Variants in TNFRSF11B observed in about 807,000 individuals in gnomAD.
TNFRSF11B encodes the protein TNF receptor superfamily member 11b.
A neutral mutation model predicts 43.4 loss-of-function variants in TNFRSF11B; 16 were observed. That is an observed-to-expected ratio of 0.37 (90% CI 0.25 to 0.56). The LOEUF is 0.56. Ranked by LOEUF, TNFRSF11B falls within the 20% of genes least tolerant of loss-of-function variation. The probability of loss-of-function intolerance (pLI) is 0.80; values close to 1 mark genes in which losing one functional copy is unlikely to be tolerated. For missense variants in TNFRSF11B, 444 were observed against 490.1 expected, an observed-to-expected ratio of 0.91 and a Z score of 0.89; for synonymous variants, 185 against 181.8, an observed-to-expected ratio of 1.02 and a Z score of -0.14.
In TNFRSF11B at chr8:118,926,602, C is replaced by T. The variant is rs767035135; in HGVS notation, c.709G>A (p.Val237Ile). The change falls in exon 4 of 5, where the codon GTA becomes ATA. Residue 237 changes from valine (V) to isoleucine (I), a missense_variant. Coordinates refer to ENST00000297350, the MANE Select transcript of TNFRSF11B (RefSeq NM_002546.4). ...LPGTKVNAES[V>I]ERIKRQHSSQ... ...CTGTGTTGCCGTTTTATCCTCTCTA[C>T]ACTCTCTGCGTTTACTTTGGTGCCA... is the stretch of plus-strand genomic sequence containing the variant. The T allele has an allele frequency of 1.9e-5, 30 of 1,614,034 alleles. No individual in the cohort carries two copies. The highest frequency in any genetic ancestry group is 1.0e-4 in the Admixed American group (6 of 60,006).
At chr8:118,924,893 G>T in intron 4 of TNFRSF11B, 131 bp from the exon 5 acceptor site, 1 of 1,151,288 alleles carries the variant, frequency 8.7e-7, no homozygotes, top group Non-Finnish European at 1.3e-6. Flanking sequence ...CTTTTCTTTT[G>T]AGAGGGAGTT....
chr8:118,940,765 A>G (rs1176765198), intron 1 of TNFRSF11B, among the ~76,000 whole-genome samples: 1 of 152,280 alleles, frequency 6.6e-6, no homozygotes. Context: ...CCAGAAAAAA[A>G]GCACCTTGGA....
chr8:118,942,950 C>T (rs141756704), intron 1 of TNFRSF11B, among the ~76,000 whole-genome samples: 9 of 152,152 alleles, frequency 5.9e-5, no homozygotes, highest in South Asian at 2.1e-4. Context: ...TTTGACCATC[C>T]GTCTGTCCAC....
At chr8:118,949,533 C>T (rs989680169) in intron 1 of TNFRSF11B, among the ~76,000 whole-genome samples, 2 of 152,140 alleles carry the variant, frequency 1.3e-5, no homozygotes, top group Non-Finnish European at 2.9e-5. Flanking sequence ...AGTAACTTGG[C>T]CACAGTCATT....
At chr8:118,944,212 CAT>C (rs1337669438) in intron 1 of TNFRSF11B, among the ~76,000 whole-genome samples, 3 of 152,128 alleles carry the variant, frequency 2.0e-5, no homozygotes, top group Admixed American at 6.6e-5. Context: ...ATTTCTCAGA[CAT>C]AGTCAAGTCC....
intron 1 of TNFRSF11B, among the ~76,000 whole-genome samples, chr8:118,941,330 A>G (rs1161333936): frequency 1.3e-5 from 2 of 152,184 alleles, no homozygotes; most frequent in African/African-American, 4.8e-5. Context: ...GCCTAGGATT[A>G]TGTCTCTAGG....
rs540623249 is a variant in TNFRSF11B, at chr8:118,930,782, C to T, written c.401-1853G>A. ...TTCTCCTGCATCCTAATGAGAAGTT[C>T]ATATGTGTCAGATATTTCTTTTAGG... On this transcript the variant is annotated intron_variant, in intron 2 of 4. Coordinates refer to ENST00000297350, the MANE Select transcript of TNFRSF11B (RefSeq NM_002546.4). 3 of 447,246 alleles carry T rather than the reference C, an allele frequency of 6.7e-6. No homozygotes were observed. The East Asian group carries it at 2.1e-4, about 31-fold the overall frequency. The allele number at this position is 447,246 out of a possible 1,614,324, so 27.7% of individuals were successfully genotyped here. A position where few individuals can be genotyped will look rare whatever the true frequency, so the allele number is the denominator to read the frequency against.
At chr8:118,943,240 T>C (rs1346106070) in intron 1 of TNFRSF11B, among the ~76,000 whole-genome samples, 2 of 152,124 alleles carry the variant, frequency 1.3e-5, no homozygotes, top group Admixed American at 6.6e-5. Context: ...AAACAGAAAG[T>C]TTTTTGTTTT....
intron 4 of TNFRSF11B, among the ~76,000 whole-genome samples, chr8:118,926,152 G>A (rs889770907): frequency 2.6e-5 from 4 of 152,180 alleles, no homozygotes; most frequent in African/African-American, 9.7e-5. Context: ...TGGTTATAGA[G>A]CTTCTCCTTG....
chr8:118,927,123 G>C (rs1440069077), intron 3 of TNFRSF11B, among the ~76,000 whole-genome samples: 1 of 152,196 alleles, frequency 6.6e-6, no homozygotes, highest in Non-Finnish European at 1.5e-5. Context: ...AATTTGAACA[G>C]TAATTTGGAA....
At chr8:118,945,733 G>A (rs1812553157) in intron 1 of TNFRSF11B, among the ~76,000 whole-genome samples, 1 of 152,092 alleles carries the variant, frequency 6.6e-6, no homozygotes. Context: ...CAAGAAAGTA[G>A]TATTACATGG....
At position 118,924,401 on chromosome 8, in the gene TNFRSF11B, GACCTGGTT is replaced by G; in HGVS notation, c.1171_1178del (p.Asn391ProfsTer15). On this transcript the variant is annotated frameshift_variant, in exon 5 of 5. Coordinates refer to ENST00000297350, the MANE Select transcript of TNFRSF11B (RefSeq NM_002546.4). LOFTEE classifies it high-confidence loss of function. Reference sequence around the variant, plus strand: ...ATAAGCAGCTTATTTTTACTGATTGGACCTGGTTACCTATCATTTCTAAAAATAACTTC... The same window carrying G: ...ATAAGCAGCTTATTTTTACTGATTGGACCTATCATTTCTAAAAATAACTTC... 6.2e-7 allele frequency: 1 copy of G among 1,614,098 alleles called. No individual in the cohort carries two copies. The highest frequency in any genetic ancestry group is 1.3e-5 in the African/African-American group (1 of 75,038).
chr8:118,935,234 T>A (rs1812385997), intron 1 of TNFRSF11B, among the ~76,000 whole-genome samples: 1 of 152,206 alleles, frequency 6.6e-6, no homozygotes, highest in Non-Finnish European at 1.5e-5. Flanking sequence ...GGGTTGACAC[T>A]AGATTACAGA....
At chr8:118,943,984 G>GAA (rs995692446) in intron 1 of TNFRSF11B, among the ~76,000 whole-genome samples, 3 of 152,084 alleles carry the variant, frequency 2.0e-5, no homozygotes, top group African/African-American at 7.2e-5. Flanking sequence ...CCTTCTTCAT[G>GAA]AATCCTTCTA....
rs1236166106 is a variant in TNFRSF11B, at chr8:118,928,753, G to T, written c.577C>A (p.Gln193Lys). Residue 193 changes from glutamine to lysine, a missense_variant, in exon 3 of 5, where the codon CAA becomes AAA. Transcript: ENST00000297350. The stretch of plus-strand genomic sequence containing the variant: ...ATGTAATTACCTATTCCACATTTTT[G>T]AGTTGATTCACTGTTTCCGGAACAT... ...NICSGNSEST[Q>K]KCGIDVTLCE... 2 of 1,614,110 alleles carry T rather than the reference G, an allele frequency of 1.2e-6. No homozygotes were observed. Among genetic ancestry groups the T allele is most frequent in the Non-Finnish European group, 1.7e-6 (2 of 1,180,014 alleles).
chr8:118,924,318 T>G lies in TNFRSF11B; in HGVS notation c.*56A>C. ...AGCCTCAAGTGCCTGAGAAACAGTT[T>G]ACTCATCCATGGGATCTCGCCAATT... is the stretch of plus-strand genomic sequence containing the variant. On this transcript the variant is annotated 3_prime_UTR_variant, in exon 5 of 5. Coordinates refer to ENST00000297350, the MANE Select transcript of TNFRSF11B (RefSeq NM_002546.4). 1 of 1,598,588 alleles carries G rather than the reference T, an allele frequency of 6.3e-7. No homozygotes were observed.
intron 1 of TNFRSF11B, among the ~76,000 whole-genome samples, chr8:118,937,650 A>G (rs1812422403): frequency 1.3e-5 from 2 of 152,224 alleles, no homozygotes; most frequent in African/African-American, 4.8e-5. Context: ...GAATGACTTG[A>G]AAAAAATGAA....
intron 1 of TNFRSF11B, 86 bp downstream of exon 1, chr8:118,951,706 C>T: frequency 1.5e-6 from 2 of 1,365,470 alleles, no homozygotes; most frequent in Non-Finnish European, 2.0e-6. Flanking sequence ...GAGCCTTCTC[C>T]CCGCCGGTCC....
At position 118,928,869 on chromosome 8, in the gene TNFRSF11B, G is replaced by A. The variant is rs149778739; in HGVS notation, c.461C>T (p.Thr154Met). 8.9e-5 allele frequency: 143 copies of A among 1,614,158 alleles called. No individual in the cohort carries two copies. The East Asian group carries it at 1.0e-3, about 12-fold the overall frequency. ...RCPDGFFSNE[T>M]SSKAPCRKHT... ...TTTTCTACAGGGTGCTTTAGATGAC[G>A]TCTCATTTGAGAAGAACCCATCTGG... is the stretch of plus-strand genomic sequence containing the variant. The change falls in exon 3 of 5, where the codon ACG (threonine) becomes ATG (methionine). Residue 154 changes from threonine (T) to methionine (M), a missense_variant. Physicochemically the swap from Thr to Met is moderately conservative, Grantham distance 81. Transcript: ENST00000297350.
Sources: allele counts gnomAD v4.1 joint callset (sites outside exome capture counted in the v4.1 genomes callset), GRCh38; gene constraint gnomAD v4.1.1; transcripts MANE v1.5; gene names NCBI Gene and HGNC (gene_info 2026-07-23, HGNC 2026-07-21).